Variants in PDE8A observed in about 807,000 individuals in gnomAD.
PDE8A encodes the protein phosphodiesterase 8A, also known as high affinity cAMP-specific and IBMX-insensitive 3',5'-cyclic phosphodiesterase 8A.
In PDE8A, 59 loss-of-function variants were observed where a neutral mutation model predicts 105.0. The observed-to-expected ratio is 0.56, with a 90% confidence interval of 0.46 to 0.70. The LOEUF is 0.70. Ranked by LOEUF, PDE8A falls within the 30% of genes least tolerant of loss-of-function variation. PDE8A has a pLI of 0.00. For synonymous variants in PDE8A, 355 were observed against 371.9 expected (o/e 0.95, Z 0.52); for missense variants, 1,014 against 1,045.9 (o/e 0.97, Z 0.42).
At position 85,089,394 on chromosome 15, in the gene PDE8A, C is replaced by A. The variant is rs1596506442; in HGVS notation, c.692C>A (p.Thr231Lys). ...LENSEDAIEITSEDRFIQYAN... is the reference protein window; with the variant it reads ...LENSEDAIEIKSEDRFIQYAN... ...AACAGTGAAGATGCAATTGAAATTA[C>A]AAGCGAAGACCGTTTTATACAGGTT... Residue 231 changes from threonine to lysine, a missense_variant, in exon 7 of 22, where the codon ACA becomes AAA. Coordinates refer to ENST00000394553, the MANE Select transcript of PDE8A (RefSeq NM_002605.3). The A allele has an allele frequency of 6.3e-7, 1 of 1,588,132 alleles. No individual in the cohort carries two copies. The highest frequency in any genetic ancestry group is 8.6e-7 in the Non-Finnish European group (1 of 1,159,054).
At chr15:85,062,551 C>T (rs1471458550) in intron 1 of PDE8A, 1 of 152,212 alleles carries the variant, frequency 6.6e-6, no homozygotes, top group Non-Finnish European at 1.5e-5. Flanking sequence ...GAAAGTGCAA[C>T]AATGCACCCC....
chr15:84,981,325 T>G (rs1483830144), upstream of PDE8A, among the ~76,000 whole-genome samples: 2 of 152,170 alleles, frequency 1.3e-5, no homozygotes, highest in African/African-American at 2.4e-5. Flanking sequence ...CAGCACCCGC[T>G]GGAGGTCACC....
chr15:85,121,198 T>C (rs918623673), intron 18 of PDE8A, among the ~76,000 whole-genome samples, 184 bp downstream of exon 18: 1 of 152,048 alleles, frequency 6.6e-6, no homozygotes, highest in African/African-American at 2.4e-5. Context: ...GAGAAATCAC[T>C]TGAGCCCAGG....
rs544280926 is a variant in PDE8A, at chr15:85,078,515, A to ACT, written c.546+1730_546+1731dup. ...CAGTGAGCCGAGATTGTGCCACTGC[A>ACT]CTCCAGCCTGGCAACAGAGCGATAC... On this transcript the variant is annotated intron_variant, in intron 5 of 21. Transcript: ENST00000394553. 3.4e-4 allele frequency among the ~76,000 whole-genome samples: 45 copies of ACT among 133,626 alleles called. No homozygotes were observed. The East Asian group carries it at 9.3e-3, about 28-fold the overall frequency. The allele number at this position is 133,626 out of a possible 152,430, so 87.7% of individuals were successfully genotyped here. A position where few individuals can be genotyped will look rare whatever the true frequency, so the allele number is the denominator to read the frequency against.
At chr15:85,089,950 A>C (rs2081614497) in intron 7 of PDE8A, among the ~76,000 whole-genome samples, 2 of 152,266 alleles carry the variant, frequency 1.3e-5, no homozygotes, top group African/African-American at 4.8e-5. Context: ...TAATGTTTTC[A>C]GATAACAGCA....
chr15:85,036,005 G>A (rs1442792848), intron 1 of PDE8A, among the ~76,000 whole-genome samples: 1 of 152,188 alleles, frequency 6.6e-6, no homozygotes, highest in Non-Finnish European at 1.5e-5. Flanking sequence ...ATCTGAGGTT[G>A]AAACTGACAA....
At chr15:84,980,863 C>G (rs980004606), upstream of PDE8A, among the ~76,000 whole-genome samples, 1 of 152,310 alleles carries the variant, frequency 6.6e-6, no homozygotes, top group Admixed American at 6.5e-5. Flanking sequence ...GCAGCCTGCC[C>G]GGTGCTGTAG....
chr15:85,114,512 G>C (rs2082065876), intron 14 of PDE8A, among the ~76,000 whole-genome samples: 3 of 152,168 alleles, frequency 2.0e-5, no homozygotes, highest in Non-Finnish European at 2.9e-5. Context: ...TCTTTCACTA[G>C]AAGGGGGCTT....
chr15:85,029,485 T>C (rs1462240849), intron 1 of PDE8A, among the ~76,000 whole-genome samples: 1 of 151,808 alleles, frequency 6.6e-6, no homozygotes, highest in East Asian at 1.9e-4. Context: ...GACAATGCTA[T>C]TTTCTACTGA....
intron 20 of PDE8A, among the ~76,000 whole-genome samples, chr15:85,132,547 C>T (rs2082344054): frequency 6.6e-6 from 1 of 152,154 alleles, no homozygotes; most frequent in Non-Finnish European, 1.5e-5. Context: ...CTCACTGCAA[C>T]CTCTGCCTCT....
At chr15:85,082,197 T>C (rs1361834216) in intron 5 of PDE8A, among the ~76,000 whole-genome samples, 1 of 151,630 alleles carries the variant, frequency 6.6e-6, no homozygotes, top group African/African-American at 2.4e-5. Flanking sequence ...CCCTTCTCAG[T>C]CGGTGGGAGC....
At chr15:85,048,973 A>T (rs2599366) in intron 1 of PDE8A, among the ~76,000 whole-genome samples, 1 of 152,016 alleles carries the variant, frequency 6.6e-6, no homozygotes, top group African/African-American at 2.4e-5. Flanking sequence ...GTGGTGGCTC[A>T]TGCCTGTAGT....
chr15:85,082,582 G>A (rs746970645), intron 5 of PDE8A, among the ~76,000 whole-genome samples: 17 of 152,054 alleles, frequency 1.1e-4, no homozygotes, highest in Non-Finnish European at 1.9e-4. Context: ...GGTCATTTGC[G>A]TTCACCGTGG....
intron 1 of PDE8A, among the ~76,000 whole-genome samples, chr15:84,984,735 C>G (rs1448571393): frequency 6.6e-6 from 1 of 152,094 alleles, no homozygotes; most frequent in Non-Finnish European, 1.5e-5. Context: ...GAAAAGAGTT[C>G]CGTGGTCTGG....
At chr15:85,065,483 TAA>T (rs573642824) in intron 2 of PDE8A, among the ~76,000 whole-genome samples, 4 of 141,922 alleles carry the variant, frequency 2.8e-5, no homozygotes, top group South Asian at 2.2e-4. Context: ...AAAGTATAAT[TAA>T]AAAAAAAAAA....
intron 5 of PDE8A, among the ~76,000 whole-genome samples, chr15:85,081,014 G>C (rs1215755953): frequency 2.0e-5 from 3 of 152,188 alleles, no homozygotes; most frequent in African/African-American, 7.2e-5. Flanking sequence ...TAACTAATTA[G>C]TGCTAACTAA....
chr15:85,003,003 ACTT>A (rs2080090329), intron 1 of PDE8A, among the ~76,000 whole-genome samples: 1 of 151,902 alleles, frequency 6.6e-6, no homozygotes, highest in Non-Finnish European at 1.5e-5. Flanking sequence ...TTTTCATTTT[ACTT>A]CTTTGAGTTT....
intron 1 of PDE8A, among the ~76,000 whole-genome samples, chr15:85,015,524 C>T (rs935395917): frequency 1.3e-5 from 2 of 152,102 alleles, no homozygotes; most frequent in African/African-American, 4.8e-5. Context: ...AGGTGTTGTT[C>T]AATTTCCCTC....
At chr15:85,099,551 T>G (rs1490835931) in intron 9 of PDE8A, among the ~76,000 whole-genome samples, 2 of 152,238 alleles carry the variant, frequency 1.3e-5, no homozygotes, top group Non-Finnish European at 2.9e-5. Context: ...AGCTAAGCCC[T>G]CGTTGCTTTG....
Sources: allele counts gnomAD v4.1 joint callset (sites outside exome capture counted in the v4.1 genomes callset), GRCh38; gene constraint gnomAD v4.1.1; transcripts MANE v1.5; gene names NCBI Gene and HGNC (gene_info 2026-07-23, HGNC 2026-07-21).